The following RALGAPA1 variants were observed in gnomAD, a reference collection of about 807,000 sequenced individuals.
RALGAPA1 encodes the protein Ral GTPase activating protein catalytic subunit alpha 1.
In RALGAPA1, 52 loss-of-function variants were observed where a neutral mutation model predicts 269.6. That is an observed-to-expected ratio of 0.19 (90% CI 0.15 to 0.24). The LOEUF (loss-of-function observed/expected upper bound fraction) is 0.24, where lower values mean the gene tolerates loss of function less well. Ranked by LOEUF, RALGAPA1 falls within the 10% of genes least tolerant of loss-of-function variation. The pLI, the probability that RALGAPA1 is intolerant of heterozygous loss-of-function variation, is 1.00. For missense variants in RALGAPA1, 1,917 were observed against 3,013.9 expected (o/e 0.64, Z 8.52); for synonymous variants, 817 against 1,008.3 (o/e 0.81, Z 3.60).
intron 16 of RALGAPA1, among the ~76,000 whole-genome samples, chr14:35,705,344 C>A (rs1487857742): frequency 2.0e-5 from 3 of 152,106 alleles, no homozygotes; most frequent in African/African-American, 7.2e-5. Context: ...CCCCACCCCC[C>A]TATTCCTAGT....
intron 34 of RALGAPA1, 25 bp downstream of exon 34, chr14:35,627,063 AAG>A: frequency 4.2e-6 from 6 of 1,445,020 alleles, no homozygotes; most frequent in Non-Finnish European, 5.5e-6. Context: ...AAAAAAAAAA[AAG>A]AAAAAATTTC....
chr14:35,549,724 T>C (rs544489896), intron 39 of RALGAPA1, among the ~76,000 whole-genome samples: 96 of 152,314 alleles, frequency 6.3e-4, no homozygotes, highest in Non-Finnish European at 1.2e-3. Flanking sequence ...AATTCCTACA[T>C]ATCTTCTTCT....
chr14:35,761,960 A>G (rs1567176921), intron 5 of RALGAPA1, among the ~76,000 whole-genome samples: 2 of 152,204 alleles, frequency 1.3e-5, no homozygotes, highest in South Asian at 2.1e-4. Context: ...CTACAGCAAG[A>G]TATTTTCGGA....
chr14:35,617,096 C>G (rs1166954207), intron 35 of RALGAPA1, among the ~76,000 whole-genome samples: 1 of 152,130 alleles, frequency 6.6e-6, no homozygotes, highest in African/African-American at 2.4e-5. Flanking sequence ...GAAGGAGATT[C>G]AAACATAGTC....
At chr14:35,543,332 A>T (rs1013773837) in intron 41 of RALGAPA1, among the ~76,000 whole-genome samples, 4 of 152,250 alleles carry the variant, frequency 2.6e-5, no homozygotes, top group Non-Finnish European at 5.9e-5. Flanking sequence ...ATAAAAGCTG[A>T]TACATTTTGA....
At chr14:35,595,189 A>C (rs1292770430) in intron 37 of RALGAPA1, among the ~76,000 whole-genome samples, 1 of 151,862 alleles carries the variant, frequency 6.6e-6, no homozygotes, top group Non-Finnish European at 1.5e-5. Context: ...CTCAAAGGAT[A>C]CAAAGTAGCA....
At chr14:35,630,193 A>AT (rs1179421725) in intron 33 of RALGAPA1, among the ~76,000 whole-genome samples, 1 of 152,224 alleles carries the variant, frequency 6.6e-6, no homozygotes. Flanking sequence ...GCTTTGGTTG[A>AT]TTTTAAAATG....
Position 35,752,163 on chromosome 14 carries a change from C to A in RALGAPA1, c.664-1G>T. On this transcript the variant is annotated splice_acceptor_variant, in intron 7 of 41. Transcript: ENST00000680220. LOFTEE classifies it high-confidence loss of function. ...TGTTCTTCCATTCTAAACTTTTTAC[C>A]TAAAAATAAATTATATAATTAGAAT... is the stretch of plus-strand genomic sequence containing the variant. 6.5e-7 allele frequency: 1 copy of A among 1,540,108 alleles called. No homozygotes were observed. The highest frequency in any genetic ancestry group is 1.2e-5 in the South Asian group (1 of 80,422).
chr14:35,578,361 C>G (rs1053011177), intron 37 of RALGAPA1, among the ~76,000 whole-genome samples: 1 of 152,130 alleles, frequency 6.6e-6, no homozygotes, highest in African/African-American at 2.4e-5. Context: ...TAGGGGTATA[C>G]GTGTAGAAAC....
At chr14:35,652,022 G>A in intron 30 of RALGAPA1, 149 bp from the exon 31 acceptor site, 1 of 529,728 alleles carries the variant, frequency 1.9e-6, no homozygotes, top group Non-Finnish European at 3.1e-6. Context: ...TCAAAGTAAT[G>A]TTTAATAGGT....
At chr14:35,583,067 A>C (rs889565833) in intron 37 of RALGAPA1, among the ~76,000 whole-genome samples, 3 of 152,216 alleles carry the variant, frequency 2.0e-5, no homozygotes, top group Admixed American at 2.0e-4. Flanking sequence ...ATTACAAGAC[A>C]AAAAACATAG....
chr14:35,728,922 G>A (rs1181184357), intron 12 of RALGAPA1, among the ~76,000 whole-genome samples: 3 of 151,746 alleles, frequency 2.0e-5, no homozygotes, highest in Non-Finnish European at 4.4e-5. Context: ...TTTACTAGAG[G>A]TAGGGTTTCA....
At chr14:35,671,326 C>T (rs2064410906) in intron 26 of RALGAPA1, 63 bp downstream of exon 26, 1 of 1,400,910 alleles carries the variant, frequency 7.1e-7, no homozygotes, top group African/African-American at 1.4e-5. Flanking sequence ...TATGTTTTAT[C>T]AACTTTGTTA....
intron 16 of RALGAPA1, chr14:35,707,415 T>C (rs1595237517): frequency 1.3e-5 from 2 of 152,210 alleles, no homozygotes; most frequent in African/African-American, 4.8e-5. Context: ...TTAAGTATGA[T>C]GCTAGAGGTA....
chr14:35,728,582 G>A, intron 12 of RALGAPA1, 72 bp from the exon 13 acceptor site: 3 of 1,470,504 alleles, frequency 2.0e-6, no homozygotes, highest in Non-Finnish European at 1.8e-6. Flanking sequence ...AAGAGAAACA[G>A]ACACTGATCA....
At chr14:35,587,755 T>A (rs1239723207) in intron 37 of RALGAPA1, among the ~76,000 whole-genome samples, 1 of 151,984 alleles carries the variant, frequency 6.6e-6, no homozygotes, top group Admixed American at 6.6e-5. Flanking sequence ...CATTAGGAGA[T>A]ATACCTAATG....
At chr14:35,565,719 A>G (rs1181492600) in intron 39 of RALGAPA1, among the ~76,000 whole-genome samples, 1 of 152,222 alleles carries the variant, frequency 6.6e-6, no homozygotes. Flanking sequence ...ACATGATTAT[A>G]TATTGTAAAT....
chr14:35,593,564 G>A lies in RALGAPA1; in HGVS notation c.7209+2070C>T, dbSNP rs58357265. On this transcript the variant is annotated intron_variant, in intron 37 of 41. Coordinates refer to ENST00000680220, the MANE Select transcript of RALGAPA1 (RefSeq NM_001346249.2). ...AACACAAAGGGGCATCATATTCCCT[G>A]ATTTAAAATTATATTACAGGCTGGG... Among the ~76,000 whole-genome samples the A allele has an allele frequency of 3.2e-3, 487 of 152,150 alleles. 2 individuals carry two copies. Among genetic ancestry groups the A allele is most frequent in the African/African-American group, 0.011 (450 of 41,530 alleles).
At chr14:35,663,748 C>T (rs2063722874) in intron 27 of RALGAPA1, among the ~76,000 whole-genome samples, 1 of 152,082 alleles carries the variant, frequency 6.6e-6, no homozygotes, top group African/African-American at 2.4e-5. Context: ...CGCCACCATG[C>T]CCGGCTAATT....
Sources: allele counts gnomAD v4.1 joint callset (sites outside exome capture counted in the v4.1 genomes callset), GRCh38; gene constraint gnomAD v4.1.1; transcripts MANE v1.5; gene names NCBI Gene and HGNC (gene_info 2026-07-23, HGNC 2026-07-21).